The following MPRIP variants were observed in gnomAD, a reference collection of about 807,000 sequenced individuals.
MPRIP encodes myosin phosphatase Rho-interacting protein.
MPRIP carries 59 observed loss-of-function variants against 234.9 expected under a neutral mutation model. The ratio of observed to expected loss-of-function variants is 0.25; its 90% CI spans 0.20 to 0.31. The LOEUF (loss-of-function observed/expected upper bound fraction) is 0.31, where lower values mean the gene tolerates loss of function less well. Ranked by LOEUF, MPRIP falls within the 10% of genes least tolerant of loss-of-function variation. The pLI, the probability that MPRIP is intolerant of heterozygous loss-of-function variation, is 1.00. For synonymous variants in MPRIP, 1,144 were observed against 1,263.9 expected (o/e 0.91, Z 2.01); for missense variants, 2,436 against 3,071.0 (o/e 0.79, Z 4.89).
chr17:17,157,385 G>T (rs1006144329), intron 13 of MPRIP, among the ~76,000 whole-genome samples: 1 of 152,230 alleles, frequency 6.6e-6, no homozygotes, highest in Non-Finnish European at 1.5e-5. Context: ...AGGTAACCCA[G>T]TGTCCTTCTC....
At chr17:17,046,787 C>G (rs1022289915) in intron 1 of MPRIP, among the ~76,000 whole-genome samples, 1 of 152,204 alleles carries the variant, frequency 6.6e-6, no homozygotes, top group Non-Finnish European at 1.5e-5. Flanking sequence ...TATATGGTCT[C>G]TGTCACAACT....
chr17:17,098,936 C>T (rs912522683), intron 3 of MPRIP, among the ~76,000 whole-genome samples: 3 of 152,104 alleles, frequency 2.0e-5, no homozygotes, highest in African/African-American at 4.8e-5. Context: ...GAGACAAGCA[C>T]GTGGGTGAGG....
chr17:17,147,264 A>T, intron 10 of MPRIP, 55 bp from the exon 11 acceptor site: 3 of 1,533,026 alleles, frequency 2.0e-6, no homozygotes, highest in Non-Finnish European at 2.7e-6. Flanking sequence ...GTGGCGTGGC[A>T]GGCATGCTGT....
intron 8 of MPRIP, 61 bp from the exon 9 acceptor site, chr17:17,143,495 C>A: frequency 1.8e-6 from 2 of 1,133,312 alleles, no homozygotes; most frequent in South Asian, 1.7e-5. Flanking sequence ...AGCACCAGCT[C>A]GTCCCTCACA....
At chr17:17,065,107 C>T (rs1435472342) in intron 1 of MPRIP, among the ~76,000 whole-genome samples, 1 of 152,080 alleles carries the variant, frequency 6.6e-6, no homozygotes, top group Non-Finnish European at 1.5e-5. Flanking sequence ...GTGTCTTTTG[C>T]TCATATTCTA....
intron 8 of MPRIP, among the ~76,000 whole-genome samples, 182 bp from the exon 9 acceptor site, chr17:17,143,374 A>G (rs2045373427): frequency 6.6e-6 from 1 of 152,202 alleles, no homozygotes; most frequent in Admixed American, 6.5e-5. Flanking sequence ...CAACCAGGGC[A>G]TCTCAGGACC....
intron 3 of MPRIP, among the ~76,000 whole-genome samples, chr17:17,115,694 T>C (rs1390703934): frequency 6.6e-6 from 1 of 152,216 alleles, no homozygotes; most frequent in East Asian, 1.9e-4. Context: ...CCTCCCCTCC[T>C]GCTTCCCATC....
intron 3 of MPRIP, among the ~76,000 whole-genome samples, chr17:17,124,672 T>G (rs2090457001): frequency 6.6e-6 from 1 of 152,190 alleles, no homozygotes; most frequent in Non-Finnish European, 1.5e-5. Context: ...CCATGGAGTT[T>G]CCTCAGCAAA....
In MPRIP at chr17:17,138,227, A is replaced by C; in HGVS notation, c.1048A>C (p.Arg350=). ...PPAYVDSGST[R]GRGTERLGSA... ...TGCCTACGTGGACTCTGGCAGCACT[A>C]GGGGGCGGGGGACAGAGAGACTGGG... Residue 350 remains arginine, a synonymous_variant, in exon 7 of 24, where the codon AGG becomes CGG. Coordinates refer to ENST00000651222, the MANE Select transcript of MPRIP (RefSeq NM_001364716.4). This position sits in a 1 kb window ranked among gnomAD's most constrained non-coding sequence, Gnocchi z 5.8. 1 of 673,522 alleles carries C rather than the reference A, an allele frequency of 1.5e-6. No homozygotes were observed. The highest frequency in any genetic ancestry group is 2.4e-6 in the Non-Finnish European group (1 of 419,212). 41.7% of individuals were successfully genotyped at this position (673,522 alleles called of 1,614,324 possible). A position where few individuals can be genotyped will look rare whatever the true frequency, so the allele number is the denominator to read the frequency against.
intron 16 of MPRIP, chr17:17,170,720 G>A (rs1173435906): frequency 6.6e-6 from 1 of 152,246 alleles, no homozygotes; most frequent in African/African-American, 2.4e-5. Flanking sequence ...CTCAGCGAGA[G>A]GCCCAGTCCC....
chr17:17,104,035 G>A (rs1169589305), intron 3 of MPRIP, among the ~76,000 whole-genome samples: 2 of 61,292 alleles, frequency 3.3e-5, no homozygotes, highest in Non-Finnish European at 6.6e-5. Flanking sequence ...CATTTCCTCA[G>A]GATAAAACTA....
At chr17:17,068,369 C>G (rs923696528) in intron 1 of MPRIP, among the ~76,000 whole-genome samples, 1 of 151,926 alleles carries the variant, frequency 6.6e-6, no homozygotes, top group Admixed American at 6.6e-5. Context: ...AGGCTGGTCT[C>G]GAACTCCTGA....
intron 3 of MPRIP, among the ~76,000 whole-genome samples, chr17:17,120,911 A>G (rs187506305): frequency 1.5e-3 from 235 of 152,192 alleles, no homozygotes; most frequent in Admixed American, 6.2e-3. Context: ...CCAGACACAG[A>G]TGGTTGTATC....
intron 4 of MPRIP, among the ~76,000 whole-genome samples, chr17:17,130,783 G>T (rs4985737): frequency 6.6e-6 from 1 of 151,970 alleles, no homozygotes; most frequent in Non-Finnish European, 1.5e-5. Context: ...CACCCCCGTC[G>T]TCTAGCCCCC....
At position 17,084,186 on chromosome 17, in the gene MPRIP, G is replaced by A. The variant is rs529689905; in HGVS notation, c.267+6110G>A. On this transcript the variant is annotated intron_variant, in intron 3 of 23. Transcript: ENST00000651222. ...GTGGCTGCTGTGTCCGTAACAGAGC[G>A]GTTGAGAGGACACTAGGCCATGGAA... is the stretch of plus-strand genomic sequence containing the variant. Among the ~76,000 whole-genome samples, 8 of 152,198 alleles carry A rather than the reference G, an allele frequency of 5.3e-5. No homozygotes were observed. In the South Asian group the frequency reaches 1.0e-3, roughly 20 times the overall value.
chr17:17,087,734 T>A (rs939790336), intron 3 of MPRIP, among the ~76,000 whole-genome samples: 1 of 152,174 alleles, frequency 6.6e-6, no homozygotes, highest in African/African-American at 2.4e-5. Flanking sequence ...AGGGCACATG[T>A]TGGTTGGCTG....
intron 3 of MPRIP, among the ~76,000 whole-genome samples, chr17:17,093,255 T>C (rs1301943023): frequency 1.3e-5 from 2 of 152,242 alleles, no homozygotes; most frequent in African/African-American, 4.8e-5. Context: ...GATCTTCGCA[T>C]AGTCCCTGCA....
chr17:17,073,237 C>T (rs1365494355), intron 1 of MPRIP, among the ~76,000 whole-genome samples: 2 of 152,122 alleles, frequency 1.3e-5, no homozygotes, highest in Non-Finnish European at 2.9e-5. Flanking sequence ...TGCTCTGTGT[C>T]TGCGCCGCCC....
intron 1 of MPRIP, among the ~76,000 whole-genome samples, chr17:17,047,633 C>G (rs1332620230): frequency 6.6e-6 from 1 of 152,114 alleles, no homozygotes; most frequent in Non-Finnish European, 1.5e-5. Flanking sequence ...AGGAATCAGA[C>G]TCTAGGGACA....
Sources: allele counts gnomAD v4.1 joint callset (sites outside exome capture counted in the v4.1 genomes callset), GRCh38; gene constraint gnomAD v4.1.1; non-coding constraint Gnocchi (gnomAD v3.1); transcripts MANE v1.5; gene names NCBI Gene and HGNC (gene_info 2026-07-23, HGNC 2026-07-21).